Variants in GFM2 observed in about 807,000 individuals in gnomAD.
GFM2 encodes the protein ribosome-releasing factor 2, mitochondrial.
In GFM2, 72 loss-of-function variants were observed where a neutral mutation model predicts 95.4. The observed-to-expected ratio is 0.76, with a 90% CI of 0.62 to 0.92. GFM2 has a LOEUF of 0.92. Ranked by LOEUF, GFM2 falls within the 40% of genes least tolerant of loss-of-function variation. The pLI is 0.00. For synonymous variants in GFM2, 276 were observed against 317.5 expected, an observed-to-expected ratio of 0.87 and a Z score of 1.39; for missense variants, 825 against 924.1, an observed-to-expected ratio of 0.89 and a Z score of 1.39.
chr5:74,759,332 A>G, intron 4 of GFM2, 37 bp downstream of exon 4: 1 of 1,204,308 alleles, frequency 8.3e-7, no homozygotes, highest in South Asian at 1.3e-5. Context: ...TTTTCGTGAC[A>G]GTCTATGGAA....
At chr5:74,740,217 A>C (rs2112271310) in intron 11 of GFM2, 80 bp from the exon 12 acceptor site, 2 of 1,228,074 alleles carry the variant, frequency 1.6e-6, no homozygotes, top group Admixed American at 2.6e-5. Flanking sequence ...GTTTTCTCTA[A>C]CCAGCCATGT....
At chr5:74,742,907 T>C (rs956825186) in intron 10 of GFM2, among the ~76,000 whole-genome samples, 4 of 152,174 alleles carry the variant, frequency 2.6e-5, no homozygotes, top group African/African-American at 9.7e-5. Context: ...GACCTCGTGA[T>C]CTGCCCACCT....
chr5:74,721,571 C>A lies in GFM2; in HGVS notation c.*84G>T. On this transcript the variant is annotated 3_prime_UTR_variant, in exon 21 of 21. Coordinates refer to ENST00000296805, the MANE Select transcript of GFM2 (RefSeq NM_032380.5). ...TGTACTGAAACAGTACTTTATTCGT[C>A]CAATAAATAAAGCAATAAAAATTGT... The A allele has an allele frequency of 7.3e-7, 1 of 1,367,812 alleles. No individual in the cohort carries two copies. The highest frequency in any genetic ancestry group is 1.2e-5 in the South Asian group (1 of 81,200). 84.7% of individuals were successfully genotyped at this position (1,367,812 alleles called of 1,614,324 possible).
chr5:74,730,501 TAC>T (rs1264352356), intron 16 of GFM2, 103 bp from the exon 17 acceptor site: 15 of 747,218 alleles, frequency 2.0e-5, no homozygotes, highest in South Asian at 5.3e-5. Flanking sequence ...TTTAATTAAT[TAC>T]AGTTTCCTTT....
At position 74,725,765 on chromosome 5, in the gene GFM2, G is replaced by A. The variant is rs758660730; in HGVS notation, c.1913-10C>T. 2.5e-6 allele frequency: 4 copies of A among 1,595,188 alleles called. No individual in the cohort carries two copies. Among genetic ancestry groups the A allele is most frequent in the Non-Finnish European group, 3.4e-6 (4 of 1,163,636 alleles). On this transcript the variant is annotated splice_polypyrimidine_tract_variant and intron_variant, in intron 18 of 20. Transcript: ENST00000296805. ...GATCCAAGCAATGGTCCTAGACAAGGGAAAAAAATTGTATCATACTCTGCT... is the reference window on the plus strand; with the variant it reads ...GATCCAAGCAATGGTCCTAGACAAGAGAAAAAAATTGTATCATACTCTGCT...
rs1742485113 is a variant in GFM2, at chr5:74,730,243, A to G, written c.1726+17T>C. 6.3e-7 allele frequency: 1 copy of G among 1,590,188 alleles called. No homozygotes were observed. The highest frequency in any genetic ancestry group is 1.9e-5 in the Admixed American group (1 of 53,562). On this transcript the variant is annotated intron_variant, in intron 17 of 20. Transcript: ENST00000296805. ...AGAAAGAGAGAAAAAGCAAATCCTA[A>G]ATGTTTTACTTTTTACCTGTGGCAC...
intron 1 of GFM2, among the ~76,000 whole-genome samples, chr5:74,764,561 GAC>G (rs1481382602): frequency 3.3e-5 from 5 of 152,040 alleles, no homozygotes; most frequent in African/African-American, 1.2e-4. Flanking sequence ...TGTGGCCAAA[GAC>G]AATTCTTCCA....
At chr5:74,731,946 TTTTA>T (rs1393912158) in intron 16 of GFM2, among the ~76,000 whole-genome samples, 11 of 150,936 alleles carry the variant, frequency 7.3e-5, no homozygotes, top group Admixed American at 5.9e-4. Context: ...CCAGTTTTTA[TTTTA>T]TTTATTTTTA....
intron 20 of GFM2, among the ~76,000 whole-genome samples, chr5:74,722,064 G>A (rs776788275): frequency 2.6e-5 from 4 of 152,156 alleles, no homozygotes; most frequent in Non-Finnish European, 5.9e-5. Context: ...AGGCTGACGG[G>A]AGAAGAATGA....
Position 74,747,680 on chromosome 5 carries a change from C to T in GFM2, c.608+12G>A. On this transcript the variant is annotated intron_variant, in intron 8 of 20. Transcript: ENST00000296805. ...TTCACCCTGATAAGCCAATGAAACA[C>T]ATTTCAAATACCTTGCTCCAGTTTT... 6.5e-7 allele frequency: 1 copy of T among 1,531,518 alleles called. No homozygotes were observed. The highest frequency in any genetic ancestry group is 9.0e-7 in the Non-Finnish European group (1 of 1,107,472). 94.9% of individuals were successfully genotyped at this position (1,531,518 alleles called of 1,614,324 possible).
chr5:74,739,497 A>G lies in GFM2; in HGVS notation c.1079+492T>C, dbSNP rs1013209059. On this transcript the variant is annotated intron_variant, in intron 12 of 20. Coordinates refer to ENST00000296805, the MANE Select transcript of GFM2 (RefSeq NM_032380.5). The stretch of plus-strand genomic sequence containing the variant: ...CAATTTAGAGATATGAAAAGTTATT[A>G]ATGTCAGGATTAAGATAATTAAAGT... Among the ~76,000 whole-genome samples, 7 of 152,152 alleles carry G rather than the reference A, an allele frequency of 4.6e-5. No individual in the cohort carries two copies. The East Asian group carries it at 1.3e-3, about 29-fold the overall frequency.
intron 10 of GFM2, among the ~76,000 whole-genome samples, chr5:74,744,127 G>C (rs1036017836): frequency 1.3e-5 from 2 of 152,148 alleles, no homozygotes; most frequent in Non-Finnish European, 2.9e-5. Flanking sequence ...CATAAACCTA[G>C]ACGGCATAGC....
chr5:74,736,749 T>C (rs1742851312), intron 15 of GFM2, 47 bp downstream of exon 15: 1 of 1,608,316 alleles, frequency 6.2e-7, no homozygotes. Flanking sequence ...CTATTTTATA[T>C]AAATTATCAG....
rs560225332 is a variant in GFM2 at position 74,733,015 on chromosome 5, T to C, written c.1587+7A>G. 1.1e-5 allele frequency: 17 copies of C among 1,576,050 alleles called. No individual in the cohort carries two copies. In the East Asian group the frequency reaches 2.0e-4, roughly 19 times the overall value. ...AGGCTTCTGGAGTTTAGCAATAATA[T>C]ACCTACTTGTCCAGAGTCAGGATCT... On this transcript the variant is annotated splice_region_variant and intron_variant, in intron 16 of 20. Transcript: ENST00000296805.
chr5:74,724,339 A>C (rs1006685007), intron 19 of GFM2, among the ~76,000 whole-genome samples: 4 of 152,040 alleles, frequency 2.6e-5, no homozygotes, highest in African/African-American at 9.7e-5. Context: ...GAAACTTTAA[A>C]AATTACTTGG....
intron 7 of GFM2, among the ~76,000 whole-genome samples, chr5:74,749,019 A>AT (rs1017577316): frequency 1.3e-4 from 19 of 150,474 alleles, no homozygotes; most frequent in Non-Finnish European, 2.2e-4. Flanking sequence ...AGTCTTTTTA[A>AT]TTTTTTTTGA....
At chr5:74,731,857 GGAGGAACA>G (rs1742579402) in intron 16 of GFM2, among the ~76,000 whole-genome samples, 1 of 151,662 alleles carries the variant, frequency 6.6e-6, no homozygotes, top group African/African-American at 2.4e-5. Context: ...AGAATGAGAT[GGAGGAACA>G]GAGAAACGGA....
At position 74,722,407 on chromosome 5, in the gene GFM2, A is replaced by AT; in HGVS notation, c.2182dup (p.Ile728AsnfsTer66). 3.1e-6 allele frequency: 5 copies of AT among 1,613,878 alleles called. No homozygotes were observed. Among genetic ancestry groups the AT allele is most frequent in the Non-Finnish European group, 4.2e-6 (5 of 1,179,880 alleles). ...AATTTCTGCTAAGGGAACAAATCCAATAACAACTTTGTTGTCCTGGCGAGT... is the reference window on the plus strand; with the variant it reads ...AATTTCTGCTAAGGGAACAAATCCAATTAACAACTTTGTTGTCCTGGCGAGT... On this transcript the variant is annotated frameshift_variant, in exon 20 of 21. Coordinates refer to ENST00000296805, the MANE Select transcript of GFM2 (RefSeq NM_032380.5). LOFTEE classifies it high-confidence loss of function.
chr5:74,766,847 T>G (rs1490823565), intron 1 of GFM2, 91 bp downstream of exon 1: 2 of 153,170 alleles, frequency 1.3e-5, no homozygotes, highest in Non-Finnish European at 2.9e-5. Context: ...CGTGGCTGGC[T>G]GTGTCCGTCG....
Sources: allele counts gnomAD v4.1 joint callset (sites outside exome capture counted in the v4.1 genomes callset), GRCh38; gene constraint gnomAD v4.1.1; transcripts MANE v1.5; gene names NCBI Gene and HGNC (gene_info 2026-07-23, HGNC 2026-07-21).